Variants in GLIS3 observed in about 807,000 individuals in gnomAD.
GLIS3 encodes the protein zinc finger protein GLIS3.
In GLIS3, 53 loss-of-function variants were observed where a neutral mutation model predicts 78.6. The observed-to-expected ratio is 0.67, with a 90% CI of 0.54 to 0.85. The LOEUF (loss-of-function observed/expected upper bound fraction) is 0.85, where lower values mean the gene tolerates loss of function less well. GLIS3 is among the 40% of genes least tolerant of loss of function. The pLI, the probability that GLIS3 is intolerant of heterozygous loss-of-function variation, is 0.00. For synonymous variants in GLIS3, 684 were observed against 509.9 expected, an observed-to-expected ratio of 1.34 and a Z score of -4.60; for missense variants, 1,703 against 1,231.1, an observed-to-expected ratio of 1.38 and a Z score of -5.74.
At chr9:3,986,876 C>T (rs1223660275) in intron 4 of GLIS3, among the ~76,000 whole-genome samples, 1 of 152,196 alleles carries the variant, frequency 6.6e-6, no homozygotes, top group Non-Finnish European at 1.5e-5. Context: ...GAATGCAACC[C>T]AGAGTTTCCA....
intron 9 of GLIS3, among the ~76,000 whole-genome samples, chr9:3,839,701 T>C (rs1818599629): frequency 6.6e-6 from 1 of 152,156 alleles, no homozygotes; most frequent in Admixed American, 6.5e-5. Flanking sequence ...TCATGTCAGA[T>C]TACTGGGGCT....
chr9:4,270,285 A>G (rs905403603), intron 2 of GLIS3, among the ~76,000 whole-genome samples: 2 of 152,206 alleles, frequency 1.3e-5, no homozygotes, highest in African/African-American at 4.8e-5. Context: ...ATATCTTAAA[A>G]GAGGAAAGCC....
chr9:3,850,402 T>C (rs1003051770), intron 9 of GLIS3, among the ~76,000 whole-genome samples: 1 of 152,262 alleles, frequency 6.6e-6, no homozygotes. Context: ...AGGACGTTTT[T>C]GTTCTCTTCT....
chr9:4,254,834 C>T (rs528438004), intron 2 of GLIS3, among the ~76,000 whole-genome samples: 286 of 142,128 alleles, frequency 2.0e-3, no homozygotes, highest in African/African-American at 7.0e-3. Context: ...AGCAAGACTA[C>T]GTCTCAAAAA....
chr9:3,922,811 A>G (rs186465951), intron 6 of GLIS3, among the ~76,000 whole-genome samples: 123 of 152,314 alleles, frequency 8.1e-4, no homozygotes, highest in Admixed American at 1.7e-3. Flanking sequence ...TCAGTAAGGT[A>G]AAAAAGAGCC....
At chr9:4,123,670 A>G (rs1354378395) in intron 3 of GLIS3, 3 of 392,336 alleles carry the variant, frequency 7.6e-6, no homozygotes, top group African/African-American at 4.1e-5. Flanking sequence ...AAGTAATTAA[A>G]AACTATGTAG....
intron 4 of GLIS3, among the ~76,000 whole-genome samples, chr9:4,093,768 T>C (rs995923903): frequency 1.3e-5 from 2 of 152,208 alleles, no homozygotes; most frequent in East Asian, 3.8e-4. Flanking sequence ...CTGGATTTCA[T>C]GCTGCTAAAT....
At chr9:3,896,510 C>G (rs764303986) in intron 7 of GLIS3, among the ~76,000 whole-genome samples, 1 of 150,966 alleles carries the variant, frequency 6.6e-6, no homozygotes, top group Non-Finnish European at 1.5e-5. Flanking sequence ...ACTAAAAATA[C>G]AAAAAACTAC....
intron 2 of GLIS3, among the ~76,000 whole-genome samples, chr9:4,339,152 C>T (rs1331355977): frequency 6.6e-6 from 1 of 152,110 alleles, no homozygotes; most frequent in Non-Finnish European, 1.5e-5. Flanking sequence ...AGTGGCTTGG[C>T]TTATATATTT....
chr9:4,146,663 A>G (rs953154943), intron 2 of GLIS3, among the ~76,000 whole-genome samples: 1 of 152,258 alleles, frequency 6.6e-6, no homozygotes, highest in African/African-American at 2.4e-5. Context: ...CGATCCACTC[A>G]GCAGTGAATT....
At chr9:4,251,926 A>G (rs1427574539) in intron 2 of GLIS3, among the ~76,000 whole-genome samples, 1 of 152,160 alleles carries the variant, frequency 6.6e-6, no homozygotes, top group Non-Finnish European at 1.5e-5. Flanking sequence ...AATGTTTAAT[A>G]TTGGCCCCCA....
the GLIS3 span, among the ~76,000 whole-genome samples, chr9:4,414,605 G>A: frequency 1.3e-5 from 2 of 152,044 alleles, no homozygotes; most frequent in African/African-American, 4.8e-5. Flanking sequence ...TCACTGACTA[G>A]ACTTTTCAGA....
chr9:4,350,567 G>A (rs1263813202), upstream of GLIS3, among the ~76,000 whole-genome samples: 1 of 152,036 alleles, frequency 6.6e-6, no homozygotes, highest in African/African-American at 2.4e-5. Context: ...GTCTCTTTCA[G>A]AACTGCTTTA....
At chr9:4,210,002 G>C (rs569589087) in intron 2 of GLIS3, among the ~76,000 whole-genome samples, 4 of 152,304 alleles carry the variant, frequency 2.6e-5, no homozygotes, top group African/African-American at 7.2e-5. Context: ...CATCAAGATA[G>C]GCTGCACATT....
At chr9:4,383,311 C>T in the GLIS3 span, among the ~76,000 whole-genome samples, 1 of 152,226 alleles carries the variant, frequency 6.6e-6, no homozygotes, top group African/African-American at 2.4e-5. Context: ...TTTACAATCT[C>T]ATTCATTTTC....
intron 6 of GLIS3, among the ~76,000 whole-genome samples, chr9:3,903,802 TA>T (rs1282832618): frequency 2.0e-5 from 3 of 152,224 alleles, no homozygotes; most frequent in South Asian, 2.1e-4. Context: ...TTGGGAGTGA[TA>T]GGGGGAATTT....
chr9:4,005,168 T>G (rs891941702), intron 4 of GLIS3, among the ~76,000 whole-genome samples: 1 of 152,210 alleles, frequency 6.6e-6, no homozygotes, highest in Admixed American at 6.5e-5. Context: ...GAAATAACTG[T>G]TGTAAGAGAG....
chr9:4,017,614 C>T (rs1352810435), intron 4 of GLIS3, among the ~76,000 whole-genome samples: 6 of 151,992 alleles, frequency 3.9e-5, no homozygotes, highest in South Asian at 4.1e-4. Flanking sequence ...TGAAAGGTGG[C>T]GAGGGTTTAG....
intron 4 of GLIS3, among the ~76,000 whole-genome samples, chr9:4,026,431 G>C (rs1194011935): frequency 6.6e-6 from 1 of 152,116 alleles, no homozygotes; most frequent in East Asian, 1.9e-4. Context: ...ACTGAAGTAT[G>C]AAAGCTCAAC....
Sources: gnomAD v4.1 joint callset for allele counts (sites outside exome capture counted in the v4.1 genomes callset) on GRCh38, gnomAD v4.1.1 for gene constraint, MANE v1.5 for transcripts, NCBI Gene and HGNC (gene_info 2026-07-23, HGNC 2026-07-21) for gene names.